Variants in LRRC4C observed in about 807,000 individuals in gnomAD.
The protein encoded by LRRC4C is leucine rich repeat containing 4C, also known as leucine-rich repeat-containing protein 4C.
In LRRC4C, 5 loss-of-function variants were observed where a neutral mutation model predicts 33.6. That is an observed-to-expected ratio of 0.15 (90% confidence interval 0.08 to 0.31). The LOEUF (loss-of-function observed/expected upper bound fraction) is 0.31, where lower values mean the gene tolerates loss of function less well. Ranked by LOEUF, LRRC4C falls within the 10% of genes least tolerant of loss-of-function variation. The pLI is 1.00. For synonymous variants in LRRC4C, 329 were observed against 302.0 expected (o/e 1.09, Z -0.93); for missense variants, 560 against 796.7 (o/e 0.70, Z 3.58).
intron 2 of LRRC4C, among the ~76,000 whole-genome samples, chr11:40,835,880 G>A (rs954968386): frequency 2.6e-5 from 4 of 152,078 alleles, no homozygotes; most frequent in Non-Finnish European, 4.4e-5. Context: ...AAATTTGCTG[G>A]TGTGTGTTTT....
chr11:40,862,328 G>A (rs972923779), intron 2 of LRRC4C, among the ~76,000 whole-genome samples: 1 of 152,064 alleles, frequency 6.6e-6, no homozygotes, highest in Admixed American at 6.6e-5. Flanking sequence ...CCATGGTTTA[G>A]GCTCTTATTT....
chr11:41,005,777 CAGA>C (rs1854708316), intron 1 of LRRC4C, among the ~76,000 whole-genome samples: 1 of 152,124 alleles, frequency 6.6e-6, no homozygotes, highest in Admixed American at 6.5e-5. Flanking sequence ...GTACAGCCTG[CAGA>C]AGAACTAGCC....
At chr11:40,602,310 T>TTG (rs1960101023) in intron 3 of LRRC4C, among the ~76,000 whole-genome samples, 1 of 152,078 alleles carries the variant, frequency 6.6e-6, no homozygotes, top group Admixed American at 6.5e-5. Context: ...GGTACAAATA[T>TTG]TGTGGGTTTC....
chr11:40,587,492 G>A (rs1958812996), intron 3 of LRRC4C, among the ~76,000 whole-genome samples: 1 of 141,796 alleles, frequency 7.1e-6, no homozygotes, highest in Non-Finnish European at 1.5e-5. Flanking sequence ...AATTGCCCTG[G>A]CCAGAACTTC....
intron 1 of LRRC4C, among the ~76,000 whole-genome samples, chr11:41,346,240 C>T (rs1378365421): frequency 1.3e-5 from 2 of 152,140 alleles, no homozygotes; most frequent in African/African-American, 4.8e-5. Flanking sequence ...GAAGGTGGTG[C>T]TCCTTAAAAT....
At chr11:40,575,085 C>A (rs1958134736) in intron 3 of LRRC4C, among the ~76,000 whole-genome samples, 1 of 152,162 alleles carries the variant, frequency 6.6e-6, no homozygotes, top group Non-Finnish European at 1.5e-5. Context: ...AGCTCCAGTT[C>A]TCCATATCTC....
chr11:40,591,240 T>G (rs1259364166), intron 3 of LRRC4C, among the ~76,000 whole-genome samples: 3 of 152,162 alleles, frequency 2.0e-5, no homozygotes, highest in Non-Finnish European at 2.9e-5. Context: ...GACCCGATTT[T>G]CCAGGTGCCA....
chr11:41,166,590 C>A (rs967772397), intron 1 of LRRC4C, among the ~76,000 whole-genome samples: 3 of 152,138 alleles, frequency 2.0e-5, no homozygotes, highest in African/African-American at 7.2e-5. Flanking sequence ...GTTCTCTTTC[C>A]TGAGCTCTAC....
chr11:41,322,066 T>G (rs1397530356), intron 1 of LRRC4C, among the ~76,000 whole-genome samples: 3 of 151,982 alleles, frequency 2.0e-5, no homozygotes, highest in Non-Finnish European at 4.4e-5. Flanking sequence ...GGTTTTACCA[T>G]GTTGGCCAGG....
At chr11:41,086,782 A>C (rs1940022916) in intron 1 of LRRC4C, among the ~76,000 whole-genome samples, 1 of 152,086 alleles carries the variant, frequency 6.6e-6, no homozygotes, top group Non-Finnish European at 1.5e-5. Flanking sequence ...TGTTATTAAA[A>C]GTTTCATTTT....
chr11:40,201,405 C>T (rs1862741430), intron 5 of LRRC4C, among the ~76,000 whole-genome samples: 1 of 152,100 alleles, frequency 6.6e-6, no homozygotes, highest in South Asian at 2.1e-4. Context: ...AAAGGAAATG[C>T]ATCATTGTTA....
chr11:41,348,594 C>A (rs1591322529), intron 1 of LRRC4C, among the ~76,000 whole-genome samples: 1 of 150,436 alleles, frequency 6.6e-6, no homozygotes, highest in African/African-American at 2.4e-5. Context: ...CGTCTCCCAG[C>A]AGAAGACCAG....
intron 6 of LRRC4C, among the ~76,000 whole-genome samples, chr11:40,124,178 T>G (rs550245481): frequency 9.9e-5 from 15 of 152,130 alleles, no homozygotes; most frequent in African/African-American, 2.6e-4. Context: ...CAAATGCTGG[T>G]GAGGATGTGG....
intron 2 of LRRC4C, among the ~76,000 whole-genome samples, chr11:40,751,635 A>T (rs1205364617): frequency 6.6e-6 from 1 of 152,156 alleles, no homozygotes; most frequent in Non-Finnish European, 1.5e-5. Context: ...TCCCATGCTC[A>T]TGAATTGGAA....
At chr11:40,353,080 G>T (rs1417789466) in intron 3 of LRRC4C, among the ~76,000 whole-genome samples, 1 of 151,986 alleles carries the variant, frequency 6.6e-6, no homozygotes, top group Admixed American at 6.6e-5. Flanking sequence ...AATCTTCTTG[G>T]TGCTCTATAA....
intron 2 of LRRC4C, among the ~76,000 whole-genome samples, chr11:40,861,852 G>C (rs928349090): frequency 2.8e-4 from 43 of 152,166 alleles, no homozygotes; most frequent in African/African-American, 1.0e-3. Flanking sequence ...AGAAAGTGGG[G>C]TGGGGAGGTG....
chr11:41,017,966 A>C (rs1855709422), intron 1 of LRRC4C, among the ~76,000 whole-genome samples: 1 of 151,916 alleles, frequency 6.6e-6, no homozygotes, highest in African/African-American at 2.4e-5. Context: ...ATGCGTCCTT[A>C]GTATGTTTGT....
chr11:40,195,342 C>T (rs1431175569), intron 5 of LRRC4C, among the ~76,000 whole-genome samples: 1 of 151,930 alleles, frequency 6.6e-6, no homozygotes, highest in East Asian at 1.9e-4. Context: ...AAACAGCCTG[C>T]AATGTGTGGA....
At chr11:41,142,090 A>G (rs181267858) in intron 1 of LRRC4C, among the ~76,000 whole-genome samples, 248 of 152,296 alleles carry the variant, frequency 1.6e-3, no homozygotes, top group African/African-American at 5.8e-3. Context: ...TACAATTACA[A>G]AAGTCCCAAA....
Sources: gnomAD v4.1 joint callset for allele counts (sites outside exome capture counted in the v4.1 genomes callset) on GRCh38, gnomAD v4.1.1 for gene constraint, MANE v1.5 for transcripts, NCBI Gene and HGNC (gene_info 2026-07-23, HGNC 2026-07-21) for gene names.